Variants in ANGPT2 observed in about 807,000 individuals in gnomAD.
ANGPT2 encodes the protein angiopoietin-2.
Under a neutral mutation model 62.9 loss-of-function variants are expected in ANGPT2, and 28 were observed. That is an observed-to-expected ratio of 0.44 (90% confidence interval 0.33 to 0.61). ANGPT2 has a LOEUF of 0.61. Among genes scored for constraint, ANGPT2 ranks in the 20% least tolerant of loss-of-function variants. The probability of loss-of-function intolerance (pLI) is 0.03; values close to 1 mark genes in which losing one functional copy is unlikely to be tolerated. For missense variants in ANGPT2, 727 were observed against 594.9 expected (o/e 1.22, Z -2.31); for synonymous variants, 284 against 207.8 (o/e 1.37, Z -3.15).
intron 4 of ANGPT2, among the ~76,000 whole-genome samples, chr8:6,520,392 A>G (rs566025983): frequency 1.3e-5 from 2 of 152,172 alleles, no homozygotes; most frequent in Non-Finnish European, 2.9e-5. Flanking sequence ...TGTTATCTGT[A>G]TCATGACCCC....
rs139842413 is a variant in ANGPT2 at position 6,525,615 on chromosome 8, C to T, written c.566+1940G>A. Among the ~76,000 whole-genome samples, 9 of 152,216 alleles carry T rather than the reference C, an allele frequency of 5.9e-5. No homozygotes were observed. The East Asian group carries it at 1.5e-3, about 26-fold the overall frequency. On this transcript the variant is annotated intron_variant, in intron 3 of 8. Transcript: ENST00000629816. ...ATGTGGTTTGTCCAATGTGAAACAC[C>T]ATTTGCATATTTTTGTAATGATATA...
chr8:6,503,668 C>T (rs1198649116), intron 8 of ANGPT2, among the ~76,000 whole-genome samples: 1 of 152,158 alleles, frequency 6.6e-6, no homozygotes, highest in East Asian at 1.9e-4. Flanking sequence ...CGCTCAGGCT[C>T]CCCTTGCTCT....
intron 2 of ANGPT2, among the ~76,000 whole-genome samples, chr8:6,528,149 G>C (rs548414924): frequency 2.9e-4 from 44 of 152,186 alleles, no homozygotes; most frequent in African/African-American, 9.9e-4. Context: ...CACCTGCCTC[G>C]GCCTCCCATA....
rs374434413 is a variant in ANGPT2, at chr8:6,556,292, C to T, written c.288+6355G>A. Among the ~76,000 whole-genome samples the T allele has an allele frequency of 2.7e-3, 417 of 152,054 alleles. 4 individuals are homozygous for T. Among genetic ancestry groups the T allele is most frequent in the African/African-American group, 9.2e-3 (383 of 41,480 alleles). ...TTTATTTCAGAATCATATAATTATA[C>T]CTGATATTTACTTTTTGTCATTCTT... is the stretch of plus-strand genomic sequence containing the variant. On this transcript the variant is annotated intron_variant, in intron 1 of 8. Transcript: ENST00000629816.
At position 6,514,730 on chromosome 8, in the gene ANGPT2, G is replaced by T. The variant is rs752903054; in HGVS notation, c.976C>A (p.Arg326=). The change falls in exon 6 of 9, where the codon CGA becomes AGA. Residue 326 remains arginine, a synonymous_variant. Transcript: ENST00000629816. ...AGGGGWTIIQ[R]REDGSVDFQR... ...AAATCAACGCTGCCATCCTCACGTC[G>T]CTGAATAATTGTCCACCCGCCTCCT... 2.5e-6 allele frequency: 4 copies of T among 1,613,856 alleles called. No individual in the cohort carries two copies. The highest frequency in any genetic ancestry group is 1.7e-5 in the Admixed American group (1 of 59,978).
Position 6,501,553 on chromosome 8 carries a change from C to CTTTTTT in ANGPT2, c.*1542_*1547dup, listed in dbSNP as rs761570329. 10 of 128,004 alleles carry CTTTTTT rather than the reference C, an allele frequency of 7.8e-5. No homozygotes were observed. Among genetic ancestry groups the CTTTTTT allele is most frequent in the East Asian group, 2.1e-4 (1 of 4,704 alleles). 7.9% of individuals were successfully genotyped at this position (128,004 alleles called of 1,614,324 possible). On this transcript the variant is annotated 3_prime_UTR_variant, in exon 9 of 9. Coordinates refer to ENST00000629816, the MANE Select transcript of ANGPT2 (RefSeq NM_001118887.2). ...TGTGTTCTCAAATTTTCTTTTCTTTCTTTTTTTTTTTTTTTTTTTGAGATG... is the reference window on the plus strand; with the variant it reads ...TGTGTTCTCAAATTTTCTTTTCTTTCTTTTTTTTTTTTTTTTTTTTTTTTTGAGATG...
At chr8:6,513,317 TTTTTTCTTTTTC>T (rs1375309641) in intron 7 of ANGPT2, among the ~76,000 whole-genome samples, 1 of 151,998 alleles carries the variant, frequency 6.6e-6, no homozygotes, top group Non-Finnish European at 1.5e-5. Context: ...TTTTAATTTT[TTTTTTCTTTTTC>T]TTTTTCTTTT....
intron 1 of ANGPT2, among the ~76,000 whole-genome samples, chr8:6,538,376 T>C (rs1335598172): frequency 6.6e-6 from 1 of 152,208 alleles, no homozygotes; most frequent in Non-Finnish European, 1.5e-5. Context: ...CCAGCTGCTC[T>C]CCTTTCATCC....
chr8:6,536,213 G>A (rs921361205), intron 1 of ANGPT2, among the ~76,000 whole-genome samples: 1 of 152,062 alleles, frequency 6.6e-6, no homozygotes, highest in Non-Finnish European at 1.5e-5. Flanking sequence ...AAACACTAGC[G>A]ACAGGAACAG....
At chr8:6,503,935 C>A (rs1215971567) in intron 8 of ANGPT2, among the ~76,000 whole-genome samples, 1 of 152,166 alleles carries the variant, frequency 6.6e-6, no homozygotes, top group Non-Finnish European at 1.5e-5. Flanking sequence ...ACACAGTAGT[C>A]CCCCCTTATC....
chr8:6,524,805 C>T (rs963399055), intron 3 of ANGPT2, among the ~76,000 whole-genome samples: 1 of 152,192 alleles, frequency 6.6e-6, no homozygotes, highest in Non-Finnish European at 1.5e-5. Flanking sequence ...ACAGGGAATA[C>T]ATATGAAGAT....
chr8:6,532,865 C>A (rs778357168), intron 1 of ANGPT2, among the ~76,000 whole-genome samples: 2 of 152,202 alleles, frequency 1.3e-5, no homozygotes, highest in Non-Finnish European at 2.9e-5. Flanking sequence ...TCTGACCATG[C>A]AGTCAGGAAA....
intron 1 of ANGPT2, among the ~76,000 whole-genome samples, chr8:6,555,247 C>A (rs1407674713): frequency 1.3e-5 from 2 of 152,050 alleles, no homozygotes; most frequent in African/African-American, 4.8e-5. Flanking sequence ...ACAATCAAAC[C>A]GTTTTCAAAC....
chr8:6,522,354 C>CA (rs1164005185), intron 3 of ANGPT2, among the ~76,000 whole-genome samples: 41 of 142,520 alleles, frequency 2.9e-4, no homozygotes, highest in South Asian at 1.3e-3. Flanking sequence ...GACTCCGTCT[C>CA]AAAAAAAAAG....
intron 1 of ANGPT2, among the ~76,000 whole-genome samples, chr8:6,545,828 T>G (rs1822482108): frequency 6.6e-6 from 1 of 152,278 alleles, no homozygotes; most frequent in East Asian, 1.9e-4. Flanking sequence ...AAATACAAGA[T>G]TACTCTGAGA....
At chr8:6,514,219 T>A (rs1277464482) in intron 6 of ANGPT2, among the ~76,000 whole-genome samples, 1 of 152,186 alleles carries the variant, frequency 6.6e-6, no homozygotes, top group Non-Finnish European at 1.5e-5. Context: ...TTTGAGAGTC[T>A]TACTCTGTTG....
chr8:6,552,994 G>A (rs948819153), intron 1 of ANGPT2, among the ~76,000 whole-genome samples: 11 of 152,286 alleles, frequency 7.2e-5, no homozygotes, highest in African/African-American at 2.6e-4. Flanking sequence ...AGGATTCTTA[G>A]GGCAGTGAAG....
At chr8:6,531,116 G>A (rs1167788722) in intron 2 of ANGPT2, among the ~76,000 whole-genome samples, 1 of 152,000 alleles carries the variant, frequency 6.6e-6, no homozygotes, top group East Asian at 1.9e-4. Context: ...TCACGACCAC[G>A]GCCTTGAGCT....
At chr8:6,555,237 A>G (rs1169363156) in intron 1 of ANGPT2, among the ~76,000 whole-genome samples, 1 of 152,188 alleles carries the variant, frequency 6.6e-6, no homozygotes, top group Non-Finnish European at 1.5e-5. Flanking sequence ...ATGGACAATA[A>G]CAATCAAACC....
Sources: gnomAD v4.1 joint callset for allele counts (sites outside exome capture counted in the v4.1 genomes callset) on GRCh38, gnomAD v4.1.1 for gene constraint, MANE v1.5 for transcripts, NCBI Gene and HGNC (gene_info 2026-07-23, HGNC 2026-07-21) for gene names.